CYFIP1: variants seen among roughly 807,000 people sequenced by gnomAD.
The protein encoded by CYFIP1 is cytoplasmic FMR1-interacting protein 1.
A neutral mutation model predicts 163.5 loss-of-function variants in CYFIP1; 58 were observed. The observed-to-expected ratio is 0.35, with a 90% CI of 0.29 to 0.44. The LOEUF is 0.44. Among genes scored for constraint, CYFIP1 ranks in the 20% least tolerant of loss-of-function variants. The pLI, the probability that CYFIP1 is intolerant of heterozygous loss-of-function variation, is 1.00. For synonymous variants in CYFIP1, 663 were observed against 660.7 expected (o/e 1.00, Z -0.05); for missense variants, 1,338 against 1,653.8 (o/e 0.81, Z 3.31).
intron 17 of CYFIP1, 166 bp from the exon 18 acceptor site, chr15:22,912,441 G>A (rs907667524): frequency 3.6e-5 from 19 of 532,284 alleles, no homozygotes; most frequent in Admixed American, 7.6e-5. Context: ...TGGTGGCTGC[G>A]CCTGAGGCGG....
In CYFIP1 at chr15:22,932,299, ATGT is replaced by A; in HGVS notation, c.1031_1033del (p.Asn344del). 6.2e-7 allele frequency: 1 copy of A among 1,612,678 alleles called. No individual in the cohort carries two copies. Among genetic ancestry groups the A allele is most frequent in the South Asian group, 1.1e-5 (1 of 90,794 alleles). Reference sequence around the variant, plus strand: ...GCGGATCTGGATCATCTGCTCGCAGATGTTGTACTGAGGGCTGCTGCCGGAGGA... The same window carrying A: ...GCGGATCTGGATCATCTGCTCGCAGATGTACTGAGGGCTGCTGCCGGAGGA... On this transcript the variant is annotated inframe_deletion, in exon 11 of 31. Transcript: ENST00000617928.
At chr15:22,901,177 T>A (rs2060381394) in intron 22 of CYFIP1, among the ~76,000 whole-genome samples, 2 of 150,572 alleles carry the variant, frequency 1.3e-5, no homozygotes. Context: ...CACTCCAGCC[T>A]GGGCAACAGA....
intron 22 of CYFIP1, among the ~76,000 whole-genome samples, chr15:22,895,294 G>A (rs1340522278): frequency 2.6e-5 from 4 of 152,148 alleles, no homozygotes; most frequent in African/African-American, 7.2e-5. Context: ...GATTACAGGC[G>A]TAAGCCATTG....
At chr15:22,925,925 G>GA (rs1239350606) in intron 13 of CYFIP1, 57 bp downstream of exon 13, 1 of 1,595,922 alleles carries the variant, frequency 6.3e-7, no homozygotes. Flanking sequence ...TTTTGACAGA[G>GA]AAGATGGTGT....
At chr15:22,957,996 T>C (rs1406432317) in intron 1 of CYFIP1, among the ~76,000 whole-genome samples, 1 of 152,162 alleles carries the variant, frequency 6.6e-6, no homozygotes, top group Non-Finnish European at 1.5e-5. Context: ...ACCGCACGGC[T>C]GCAGCACAGA....
intron 26 of CYFIP1, 55 bp from the exon 27 acceptor site, chr15:22,875,326 TCTG>T: frequency 6.6e-7 from 1 of 1,505,568 alleles, no homozygotes; most frequent in South Asian, 1.1e-5. Flanking sequence ...CAGAGAGCAA[TCTG>T]GTGCTGAAAA....
intron 13 of CYFIP1, among the ~76,000 whole-genome samples, chr15:22,925,189 T>C (rs1418854254): frequency 6.6e-6 from 1 of 152,168 alleles, no homozygotes; most frequent in Non-Finnish European, 1.5e-5. Flanking sequence ...CATATCCTGA[T>C]TAAAATCCTC....
chr15:22,922,282 G>C (rs1252395117), intron 13 of CYFIP1, among the ~76,000 whole-genome samples: 1 of 152,222 alleles, frequency 6.6e-6, no homozygotes, highest in Non-Finnish European at 1.5e-5. Flanking sequence ...CCTAGAGTCT[G>C]AGTAGCCAAG....
At chr15:22,895,882 G>A (rs1295006551) in intron 22 of CYFIP1, among the ~76,000 whole-genome samples, 2 of 152,216 alleles carry the variant, frequency 1.3e-5, no homozygotes, top group Non-Finnish European at 2.9e-5. Context: ...AGAGCTCGGA[G>A]GGTGATGCGT....
At position 22,869,412 on chromosome 15, in the gene CYFIP1, A is replaced by G. The variant is rs577628155; in HGVS notation, c.*616T>C. On this transcript the variant is annotated 3_prime_UTR_variant, in exon 31 of 31. Coordinates refer to ENST00000617928, the MANE Select transcript of CYFIP1 (RefSeq NM_014608.6). ...GGCCTGGTATGTGAGTTCAGGTTAG[A>G]GTTCCTTGCCAAGCCAGGCAGCACA... is the stretch of plus-strand genomic sequence containing the variant. The G allele has an allele frequency of 3.3e-5, 5 of 152,368 alleles. No homozygotes were observed. The East Asian group carries it at 7.7e-4, about 24-fold the overall frequency. The allele number at this position is 152,368 out of a possible 1,614,324, so 9.4% of individuals were successfully genotyped here. A position where few individuals can be genotyped will look rare whatever the true frequency, so the allele number is the denominator to read the frequency against.
At chr15:22,914,390 A>C (rs2060898682) in intron 17 of CYFIP1, among the ~76,000 whole-genome samples, 1 of 151,336 alleles carries the variant, frequency 6.6e-6, no homozygotes, top group Non-Finnish European at 1.5e-5. Context: ...ACTTGTATTA[A>C]TCTCTAAAGC....
intron 8 of CYFIP1, among the ~76,000 whole-genome samples, chr15:22,937,596 C>CTTTTTTTTTTTTTTTTTTT (rs919893437): frequency 7.0e-6 from 1 of 143,746 alleles, no homozygotes; most frequent in Admixed American, 7.3e-5. Context: ...ACTAAAAATT[C>CTTTTTTTTTTTTTTTTTTT]TTTTTTTGTT....
At chr15:22,882,499 G>C (rs576504147) in intron 24 of CYFIP1, among the ~76,000 whole-genome samples, 10 of 152,272 alleles carry the variant, frequency 6.6e-5, no homozygotes, top group African/African-American at 2.4e-4. Flanking sequence ...TAAAAAGTAA[G>C]TTATGTCTAG....
intron 17 of CYFIP1, among the ~76,000 whole-genome samples, chr15:22,913,671 T>C (rs1358686117): frequency 7.5e-6 from 1 of 134,014 alleles, no homozygotes; most frequent in African/African-American, 2.9e-5. Flanking sequence ...ACCAGGAGCA[T>C]GTCCAGCATG....
chr15:22,980,656 G>C (rs1486223171), upstream of CYFIP1, among the ~76,000 whole-genome samples: 2 of 152,044 alleles, frequency 1.3e-5, no homozygotes, highest in Non-Finnish European at 2.9e-5. Context: ...GTCCGGTTCG[G>C]AGCGCGAAGG....
chr15:22,962,420 C>T (rs573832813), intron 1 of CYFIP1, among the ~76,000 whole-genome samples: 4 of 140,236 alleles, frequency 2.9e-5, no homozygotes, highest in African/African-American at 5.4e-5. Flanking sequence ...TTTCTTGAGA[C>T]GGAGTTTTGC....
intron 13 of CYFIP1, among the ~76,000 whole-genome samples, chr15:22,919,532 G>A (rs931132286): frequency 6.6e-6 from 1 of 152,122 alleles, no homozygotes; most frequent in African/African-American, 2.4e-5. Context: ...GCTATGTGAG[G>A]CCTAGAAATC....
chr15:22,872,231 A>G (rs2059451560), intron 30 of CYFIP1, among the ~76,000 whole-genome samples: 1 of 149,736 alleles, frequency 6.7e-6, no homozygotes, highest in Non-Finnish European at 1.5e-5. Context: ...GGCAGCAGAG[A>G]TTGCAGTGAG....
At chr15:22,969,509 G>C (rs2063017576) in intron 1 of CYFIP1, among the ~76,000 whole-genome samples, 1 of 152,106 alleles carries the variant, frequency 6.6e-6, no homozygotes, top group Admixed American at 6.6e-5. Flanking sequence ...TCATACAAAT[G>C]CAAATCTTGT....
Sources: allele counts gnomAD v4.1 joint callset (sites outside exome capture counted in the v4.1 genomes callset), GRCh38; gene constraint gnomAD v4.1.1; transcripts MANE v1.5; gene names NCBI Gene and HGNC (gene_info 2026-07-23, HGNC 2026-07-21).